The following SP1 variants were observed in gnomAD, a reference collection of about 807,000 sequenced individuals.
SP1 encodes the protein Sp1 transcription factor.
SP1 carries 6 observed loss-of-function variants against 66.3 expected under a neutral mutation model. The ratio of observed to expected loss-of-function variants is 0.09; its 90% CI spans 0.05 to 0.18. The LOEUF is 0.18. Among genes scored for constraint, SP1 ranks in the 10% least tolerant of loss-of-function variants. The probability of loss-of-function intolerance (pLI) is 1.00; values close to 1 mark genes in which losing one functional copy is unlikely to be tolerated. For missense variants in SP1, 848 were observed against 964.5 expected (o/e 0.88, Z 1.60); for synonymous variants, 417 against 360.8 (o/e 1.16, Z -1.77).
rs778021564 is a variant in SP1 at position 53,382,308 on chromosome 12, A to G, written c.361A>G (p.Lys121Glu). Residue 121 changes from lysine to glutamate, a missense_variant, in exon 3 of 6, where the codon AAG becomes GAG. Transcript: ENST00000327443. ...SSSSGATPTS[K>E]EQSGSSTNGS... ...CTCCTCTGGGGCTACCCCTACCTCAAAGGAACAGAGTGGCAGCAGTACCAA... is the reference window on the plus strand; with the variant it reads ...CTCCTCTGGGGCTACCCCTACCTCAGAGGAACAGAGTGGCAGCAGTACCAA... 35 of 1,614,022 alleles carry G rather than the reference A, an allele frequency of 2.2e-5. No homozygotes were observed. Among genetic ancestry groups the G allele is most frequent in the Admixed American group, 2.2e-4 (13 of 59,988 alleles).
At chr12:53,386,479 C>CTTTTTT (rs372557385) in intron 3 of SP1, among the ~76,000 whole-genome samples, 8 of 121,254 alleles carry the variant, frequency 6.6e-5, no homozygotes, top group Non-Finnish European at 8.4e-5. Flanking sequence ...TAGACTGTAT[C>CTTTTTT]TTTTTTTTTT....
intron 3 of SP1, among the ~76,000 whole-genome samples, chr12:53,403,246 AC>A (rs1938652449): frequency 6.6e-6 from 1 of 152,162 alleles, no homozygotes; most frequent in Admixed American, 6.6e-5. Context: ...AAAATCAAGA[AC>A]CTGGATTTCT....
At chr12:53,402,822 C>T (rs1348004282) in intron 3 of SP1, among the ~76,000 whole-genome samples, 3 of 151,872 alleles carry the variant, frequency 2.0e-5, no homozygotes, top group Non-Finnish European at 4.4e-5. Flanking sequence ...AAAAATTAAC[C>T]GAGCGTGGTG....
chr12:53,380,201 G>A lies in SP1; in HGVS notation c.-91G>A. 1.1e-6 allele frequency: 1 copy of A among 941,144 alleles called. No individual in the cohort carries two copies. Among genetic ancestry groups the A allele is most frequent in the East Asian group, 2.5e-5 (1 of 39,760 alleles). The allele number at this position is 941,144 out of a possible 1,614,324, so 58.3% of individuals were successfully genotyped here. ...ACCCCCCCCTCCCTGTCCGGTCCGG[G>A]TTCGCTTGCCTCGTCAGCGTCCGCG... On this transcript the variant is annotated 5_prime_UTR_variant, in exon 1 of 6. Transcript: ENST00000327443.
At chr12:53,380,389 G>A (rs984546446) in intron 1 of SP1, 91 bp downstream of exon 1, 7 of 1,184,912 alleles carry the variant, frequency 5.9e-6, no homozygotes, top group Middle Eastern at 2.2e-4. Flanking sequence ...CGTGAAGCGG[G>A]GGCGGGCGGG....
At chr12:53,388,246 G>T (rs1447258053) in intron 3 of SP1, among the ~76,000 whole-genome samples, 5 of 152,134 alleles carry the variant, frequency 3.3e-5, no homozygotes, top group Non-Finnish European at 7.3e-5. Context: ...CAAACTGTGG[G>T]ATTATTCCTG....
In SP1 at chr12:53,412,397, C is replaced by G. The variant is rs1300290650; in HGVS notation, c.*1157C>G. On this transcript the variant is annotated 3_prime_UTR_variant, in exon 6 of 6. Transcript: ENST00000327443. ...ATTTGGACTTTGGTACTGCTGTCTT[C>G]CAAGGTAGCTCTAAGTTTTGATGTG... 2 of 152,598 alleles carry G rather than the reference C, an allele frequency of 1.3e-5. No individual in the cohort carries two copies. Among genetic ancestry groups the G allele is most frequent in the Non-Finnish European group, 2.9e-5 (2 of 68,026 alleles). 9.5% of individuals were successfully genotyped at this position (152,598 alleles called of 1,614,324 possible).
Position 53,382,611 on chromosome 12 carries a change from G to A in SP1, c.664G>A (p.Gly222Ser). The A allele has an allele frequency of 6.2e-7, 1 of 1,614,144 alleles. No homozygotes were observed. The highest frequency in any genetic ancestry group is 1.1e-5 in the South Asian group (1 of 91,084). The change falls in exon 3 of 6, where the codon GGC becomes AGC. Residue 222 changes from glycine (G) to serine (S), a missense_variant. By Grantham distance (56) the Gly-to-Ser change is moderately conservative. This residue lies in a region of SP1 where 606 missense variants were observed against 589.9 expected (regional missense o/e 1.03). Coordinates refer to ENST00000327443, the MANE Select transcript of SP1 (RefSeq NM_138473.3). ...GATTATCACAAATCGAGGAAGTGGAGGCAACATCATTGCTGCTATGCCAAA... is the reference window on the plus strand; with the variant it reads ...GATTATCACAAATCGAGGAAGTGGAAGCAACATCATTGCTGCTATGCCAAA... ...QQIITNRGSG[G>S]NIIAAMPNLL...
chr12:53,381,731 G>C lies in SP1; in HGVS notation c.80G>C (p.Gly27Ala). Residue 27 changes from glycine to alanine, a missense_variant, in exon 2 of 6, where the codon GGC becomes GCC. Coordinates refer to ENST00000327443, the MANE Select transcript of SP1 (RefSeq NM_138473.3). ...IEKGVGGNNGGNGNGGGAFSQ... is the reference protein window; with the variant it reads ...IEKGVGGNNGANGNGGGAFSQ... Reference sequence around the variant, plus strand: ...AAAGGAGTTGGTGGCAATAATGGGGGCAATGGTAATGGTGGTGGTGCCTTT... The same window carrying C: ...AAAGGAGTTGGTGGCAATAATGGGGCCAATGGTAATGGTGGTGGTGCCTTT... The C allele has an allele frequency of 6.2e-7, 1 of 1,614,124 alleles. No individual in the cohort carries two copies. Among genetic ancestry groups the C allele is most frequent in the Non-Finnish European group, 8.5e-7 (1 of 1,179,972 alleles).
intron 3 of SP1, among the ~76,000 whole-genome samples, chr12:53,390,738 G>A (rs1592560360): frequency 6.6e-6 from 1 of 152,120 alleles, no homozygotes; most frequent in East Asian, 1.9e-4. Context: ...TGAGAAGACA[G>A]TCTTCAGACC....
At position 53,382,844 on chromosome 12, in the gene SP1, C is replaced by T. The variant is rs940573821; in HGVS notation, c.897C>T (p.Val299=). ...SGSQESGSQP[V]TSGTTISSAS... is the part of the protein sequence containing the mutation. ...CCCAGGAGAGTGGCTCACAGCCTGT[C>T]ACCTCAGGGACTACCATCAGTTCTG... The change falls in exon 3 of 6, where the codon GTC becomes GTT. Residue 299 remains valine, a synonymous_variant. Transcript: ENST00000327443. 5 of 1,614,100 alleles carry T rather than the reference C, an allele frequency of 3.1e-6. No homozygotes were observed. Among genetic ancestry groups the T allele is most frequent in the Non-Finnish European group, 4.2e-6 (5 of 1,180,046 alleles).
At position 53,393,345 on chromosome 12, in the gene SP1, C is replaced by A. The variant is rs148369772; in HGVS notation, c.1675+9723C>A. ...CGGAGTCTTGCTCTTGTTGCCCAGG[C>A]GCGATCTCTGCTCACCGCAACCTCT... On this transcript the variant is annotated intron_variant, in intron 3 of 5. Transcript: ENST00000327443. 3.4e-3 allele frequency among the ~76,000 whole-genome samples: 516 copies of A among 151,974 alleles called. 1 individual carries two copies. The highest frequency in any genetic ancestry group is 0.011 in the African/African-American group (441 of 41,442).
intron 3 of SP1, among the ~76,000 whole-genome samples, chr12:53,399,673 G>A (rs533959253): frequency 7.9e-4 from 117 of 148,086 alleles, no homozygotes; most frequent in Non-Finnish European, 1.4e-3. Context: ...TTTCACTCTT[G>A]TTGCCCAGGC....
Position 53,387,761 on chromosome 12 carries a change from G to A in SP1, c.1675+4139G>A, listed in dbSNP as rs147078738. 7.1e-3 allele frequency among the ~76,000 whole-genome samples: 1,083 copies of A among 152,182 alleles called. 10 individuals are homozygous for A. The highest frequency in any genetic ancestry group is 0.025 in the African/African-American group (1,035 of 41,510). Reference sequence around the variant, plus strand: ...AGCACTTTGGGAGACTGAGACAGGCGGATCATGAGGTCAGGAGATCAAGAC... The same window carrying A: ...AGCACTTTGGGAGACTGAGACAGGCAGATCATGAGGTCAGGAGATCAAGAC... On this transcript the variant is annotated intron_variant, in intron 3 of 5. Transcript: ENST00000327443.
At chr12:53,389,970 T>G (rs1427732213) in intron 3 of SP1, among the ~76,000 whole-genome samples, 4 of 152,188 alleles carry the variant, frequency 2.6e-5, no homozygotes, top group African/African-American at 4.8e-5. Flanking sequence ...GTCAGGAAAA[T>G]GTCTTCTCTT....
In SP1 at chr12:53,382,770, G is replaced by A. The variant is rs1200817211; in HGVS notation, c.823G>A (p.Ala275Thr). 2 of 1,614,178 alleles carry A rather than the reference G, an allele frequency of 1.2e-6. No individual in the cohort carries two copies. Among genetic ancestry groups the A allele is most frequent in the South Asian group, 1.1e-5 (1 of 91,090 alleles). ...TLLPVNSVSA[A>T]TLTPSSQAVT... is the part of the protein sequence containing the mutation. ...GCTACCTGTCAACAGCGTTTCTGCA[G>A]CTACCTTGACTCCCAGCTCTCAGGC... The change falls in exon 3 of 6, where the codon GCT (alanine) becomes ACT (threonine). Residue 275 changes from alanine to threonine, a missense_variant. Ala to Thr is a moderately conservative substitution (Grantham distance 58). Around this residue, in one of 7 missense-constraint regions of SP1, gnomAD observed 606 missense variants for 589.9 expected, o/e 1.03. Transcript: ENST00000327443.
rs772536417 is a variant in SP1 at position 53,383,233 on chromosome 12, C to T, written c.1286C>T (p.Ala429Val). 5.9e-5 allele frequency: 95 copies of T among 1,614,096 alleles called. No individual in the cohort carries two copies. Among genetic ancestry groups the T allele is most frequent in the Non-Finnish European group, 6.6e-5 (78 of 1,180,052 alleles). The part of the protein sequence containing the change: ...PLSGQTFTTQ[A>V]ISQETLQNLQ... ...TCAGGGCAGACCTTTACAACTCAAG[C>T]CATCTCCCAGGAAACCCTCCAGAAC... The change falls in exon 3 of 6, where the codon GCC (alanine) becomes GTC (valine). Residue 429 changes from alanine to valine, a missense_variant. By Grantham distance (64) the Ala-to-Val change is moderately conservative. Transcript: ENST00000327443.
chr12:53,409,329 A>G, intron 4 of SP1, 33 bp from the exon 5 acceptor site: 1 of 1,581,360 alleles, frequency 6.3e-7, no homozygotes, highest in Non-Finnish European at 8.7e-7. Context: ...TTTCTCTAGA[A>G]TGAATGATTA....
intron 3 of SP1, among the ~76,000 whole-genome samples, chr12:53,394,863 C>CT (rs1938447629): frequency 6.6e-6 from 1 of 151,750 alleles, no homozygotes; most frequent in Non-Finnish European, 1.5e-5. Context: ...ATCCACCCGC[C>CT]TCGGCCTCCC....
Sources: gnomAD v4.1 joint callset for allele counts (sites outside exome capture counted in the v4.1 genomes callset) on GRCh38, gnomAD v4.1.1 for gene constraint, gnomAD v4.1.1 regional missense constraint, MANE v1.5 for transcripts, NCBI Gene and HGNC (gene_info 2026-07-23, HGNC 2026-07-21) for gene names.